The following ECT2L variants were observed in gnomAD, a reference collection of about 807,000 sequenced individuals.
ECT2L encodes the protein epithelial cell-transforming sequence 2 oncogene-like.
In ECT2L, 126 loss-of-function variants were observed where a neutral mutation model predicts 122.8. The ratio of observed to expected loss-of-function variants is 1.03; its 90% confidence interval spans 0.89 to 1.19. ECT2L has a LOEUF of 1.19. Ranked by LOEUF, ECT2L falls within the 50% of genes most tolerant of loss-of-function variation. ECT2L has a pLI of 0.00. For synonymous variants in ECT2L, 385 were observed against 381.8 expected, an observed-to-expected ratio of 1.01 and a Z score of -0.10; for missense variants, 1,012 against 1,064.1, an observed-to-expected ratio of 0.95 and a Z score of 0.68.
intron 4 of ECT2L, among the ~76,000 whole-genome samples, chr6:138,817,655 G>T (rs1021110770): frequency 6.6e-6 from 1 of 152,106 alleles, no homozygotes; most frequent in African/African-American, 2.4e-5. Flanking sequence ...AAATATCTTA[G>T]AGTTTTCTTT....
chr6:138,860,373 T>C (rs1777782020), intron 10 of ECT2L, among the ~76,000 whole-genome samples: 1 of 152,148 alleles, frequency 6.6e-6, no homozygotes, highest in South Asian at 2.1e-4. Flanking sequence ...GCTAGTTGTT[T>C]CTTCACCATT....
intron 8 of ECT2L, among the ~76,000 whole-genome samples, chr6:138,849,007 G>C (rs1777330926): frequency 6.6e-6 from 1 of 152,170 alleles, no homozygotes; most frequent in African/African-American, 2.4e-5. Flanking sequence ...CGTGCATAAA[G>C]ATTAAAAGGC....
chr6:138,825,704 T>C (rs1776423963), intron 4 of ECT2L, among the ~76,000 whole-genome samples: 1 of 152,266 alleles, frequency 6.6e-6, no homozygotes, highest in African/African-American at 2.4e-5. Flanking sequence ...TATGACTATA[T>C]ATGGATCCGA....
chr6:138,836,398 C>T (rs1447480460), intron 4 of ECT2L, among the ~76,000 whole-genome samples: 1 of 151,370 alleles, frequency 6.6e-6, no homozygotes, highest in African/African-American at 2.4e-5. Flanking sequence ...AAGCGATTCT[C>T]CTGCCTCAGC....
chr6:138,844,176 G>A (rs1320823241), intron 6 of ECT2L, among the ~76,000 whole-genome samples: 4 of 152,196 alleles, frequency 2.6e-5, no homozygotes, highest in Non-Finnish European at 5.9e-5. Flanking sequence ...CACTAGAAAA[G>A]GGTTGCTTGT....
intron 20 of ECT2L, 45 bp downstream of exon 20, chr6:138,889,076 C>T: frequency 1.8e-6 from 2 of 1,084,074 alleles, no homozygotes; most frequent in Non-Finnish European, 2.6e-6. Flanking sequence ...ACCTTCCAAG[C>T]AGGTGACTGT....
At position 138,887,108 on chromosome 6, in the gene ECT2L, C is replaced by G. The variant is rs539757966; in HGVS notation, c.2325+186C>G. Among the ~76,000 whole-genome samples the G allele has an allele frequency of 2.0e-5, 3 of 152,324 alleles. No homozygotes were observed. The East Asian group carries it at 5.8e-4, about 29-fold the overall frequency. ...CAAGGTTGCTCTATAAGAAGGGGCA[C>G]AAGTGAGCTTGCCCCTATCCCATAA... is the stretch of plus-strand genomic sequence containing the variant. On this transcript the variant is annotated intron_variant, in intron 19 of 21. Coordinates refer to ENST00000541398, the MANE Select transcript of ECT2L (RefSeq NM_001077706.3).
chr6:138,841,766 T>C (rs912291084), intron 5 of ECT2L, among the ~76,000 whole-genome samples: 2 of 152,230 alleles, frequency 1.3e-5, no homozygotes, highest in African/African-American at 4.8e-5. Context: ...GTTGAACAAG[T>C]CCTTATTGCA....
At chr6:138,891,086 A>T (rs1400004247) in intron 20 of ECT2L, among the ~76,000 whole-genome samples, 2 of 152,122 alleles carry the variant, frequency 1.3e-5, no homozygotes, top group African/African-American at 4.8e-5. Context: ...GATATGCCTC[A>T]TTATACTCTC....
chr6:138,808,990 G>C (rs1277298482), intron 1 of ECT2L, among the ~76,000 whole-genome samples: 4 of 152,048 alleles, frequency 2.6e-5, no homozygotes, highest in African/African-American at 9.7e-5. Context: ...GCCTCCCAAA[G>C]TGTTGGGATT....
intron 1 of ECT2L, among the ~76,000 whole-genome samples, chr6:138,797,686 C>T (rs1447003387): frequency 6.6e-6 from 1 of 152,184 alleles, no homozygotes; most frequent in Non-Finnish European, 1.5e-5. Context: ...CTCTCACACA[C>T]TCAGTACAGC....
intron 4 of ECT2L, among the ~76,000 whole-genome samples, chr6:138,820,169 G>T (rs530375909): frequency 6.6e-6 from 1 of 152,130 alleles, no homozygotes; most frequent in Non-Finnish European, 1.5e-5. Context: ...CCCTACCAAG[G>T]GTGGGTCAGG....
At chr6:138,876,973 T>C (rs929824008) in intron 14 of ECT2L, among the ~76,000 whole-genome samples, 3 of 152,158 alleles carry the variant, frequency 2.0e-5, no homozygotes, top group African/African-American at 7.2e-5. Context: ...GGGTAAAGTG[T>C]GGAGGAAGCT....
At chr6:138,831,405 C>A (rs1397326328) in intron 4 of ECT2L, among the ~76,000 whole-genome samples, 1 of 152,214 alleles carries the variant, frequency 6.6e-6, no homozygotes, top group African/African-American at 2.4e-5. Context: ...GCTCTAACCA[C>A]CCCTTCAGCT....
At chr6:138,887,183 C>T (rs1160459495) in intron 19 of ECT2L, among the ~76,000 whole-genome samples, 2 of 151,950 alleles carry the variant, frequency 1.3e-5, no homozygotes, top group Non-Finnish European at 2.9e-5. Context: ...ATCACAATGC[C>T]CTGTGAGGAA....
rs570071201 is a variant in ECT2L at position 138,840,108 on chromosome 6, T to C, written c.342+1594T>C. 7.2e-5 allele frequency among the ~76,000 whole-genome samples: 11 copies of C among 152,296 alleles called. No individual in the cohort carries two copies. The East Asian group carries it at 2.1e-3, about 29-fold the overall frequency. ...GCAAGCAAGAGAAAAGAGATTGTTATTTAAAAATTCACGAGGAAACATATT... is the reference window on the plus strand; with the variant it reads ...GCAAGCAAGAGAAAAGAGATTGTTACTTAAAAATTCACGAGGAAACATATT... On this transcript the variant is annotated intron_variant, in intron 5 of 21. Coordinates refer to ENST00000541398, the MANE Select transcript of ECT2L (RefSeq NM_001077706.3).
chr6:138,866,741 G>A (rs1003786838), intron 12 of ECT2L, among the ~76,000 whole-genome samples: 1 of 152,186 alleles, frequency 6.6e-6, no homozygotes, highest in Non-Finnish European at 1.5e-5. Flanking sequence ...GTCCGTGTAT[G>A]TATGTTTGCA....
intron 4 of ECT2L, among the ~76,000 whole-genome samples, chr6:138,832,946 C>T (rs1776700807): frequency 6.6e-6 from 1 of 151,978 alleles, no homozygotes; most frequent in Admixed American, 6.6e-5. Flanking sequence ...GCTCAGAGTT[C>T]TGCATGGGTT....
intron 14 of ECT2L, among the ~76,000 whole-genome samples, chr6:138,877,435 C>T (rs943965171): frequency 2.0e-5 from 3 of 152,142 alleles, no homozygotes; most frequent in African/African-American, 7.2e-5. Flanking sequence ...AAGATAACAA[C>T]ACAAGGTTTG....
Sources: gnomAD v4.1 joint callset for allele counts (sites outside exome capture counted in the v4.1 genomes callset) on GRCh38, gnomAD v4.1.1 for gene constraint, MANE v1.5 for transcripts, NCBI Gene and HGNC (gene_info 2026-07-23, HGNC 2026-07-21) for gene names.